TTC34: variants seen among roughly 807,000 people sequenced by gnomAD.
TTC34 encodes the protein tetratricopeptide repeat protein 34.
In TTC34, 44 loss-of-function variants were observed where a neutral mutation model predicts 40.7. That is an observed-to-expected ratio of 1.08 (90% CI 0.85 to 1.39). The LOEUF (loss-of-function observed/expected upper bound fraction) is 1.39, where lower values mean the gene tolerates loss of function less well. Among genes scored for constraint, TTC34 ranks in the 40% most tolerant of loss-of-function variants. TTC34 has a pLI of 0.00. For missense variants in TTC34, 884 were observed against 838.0 expected, an observed-to-expected ratio of 1.05 and a Z score of -0.68; for synonymous variants, 422 against 398.6, an observed-to-expected ratio of 1.06 and a Z score of -0.70.
intron 2 of TTC34, among the ~76,000 whole-genome samples, chr1:2,794,726 T>G (rs1175267939): frequency 6.6e-6 from 1 of 152,224 alleles, no homozygotes; most frequent in African/African-American, 2.4e-5. Context: ...ATGATATTTA[T>G]GGTGGGTTTG....
At chr1:2,800,353 C>G in exon 2 of TTC34, 1 of 398,554 alleles carries the variant, frequency 2.5e-6, no homozygotes, top group Non-Finnish European at 4.4e-6. Context: ...AGATAGGCGG[C>G]CACACCATCC....
At chr1:2,758,956 C>T (rs1425211160) in intron 6 of TTC34, among the ~76,000 whole-genome samples, 2 of 48,456 alleles carry the variant, frequency 4.1e-5, no homozygotes, top group Non-Finnish European at 6.6e-5. Context: ...AGCACCCACA[C>T]CTCCAGGTTA....
chr1:2,753,531 C>G lies in TTC34; in HGVS notation c.2226+30078G>C, dbSNP rs1410692147. Among the ~76,000 whole-genome samples, 13 of 97,288 alleles carry G rather than the reference C, an allele frequency of 1.3e-4. 3 individuals carry two copies. Among genetic ancestry groups the G allele is most frequent in the Non-Finnish European group, 1.9e-5 (1 of 52,670 alleles). The allele number at this position is 97,288 out of a possible 152,430, so 63.8% of individuals were successfully genotyped here. On this transcript the variant is annotated intron_variant, in intron 6 of 8. Coordinates refer to ENST00000401095, the Ensembl canonical transcript of TTC34. Reference sequence around the variant, plus strand: ...AGCATCGGACGGCCTGCAACAGCACCCACACCCCCATGTGAGCATCTGACT... The same window carrying G: ...AGCATCGGACGGCCTGCAACAGCACGCACACCCCCATGTGAGCATCTGACT...
intron 6 of TTC34, among the ~76,000 whole-genome samples, chr1:2,646,448 G>A (rs1190406321): frequency 6.6e-6 from 1 of 152,218 alleles, no homozygotes; most frequent in East Asian, 1.9e-4. Context: ...GCAGTGGCAT[G>A]ATCTTGGTTC....
At chr1:2,657,383 C>G (rs183922462) in intron 6 of TTC34, among the ~76,000 whole-genome samples, 51 of 94,102 alleles carry the variant, frequency 5.4e-4, no homozygotes, top group African/African-American at 1.6e-3. Context: ...ACCCACACCC[C>G]GAGGTGAGCA....
chr1:2,638,035 TGA>T (rs1638825403), exon 9 of TTC34: 1 of 152,198 alleles, frequency 6.6e-6, no homozygotes, highest in Non-Finnish European at 1.5e-5. Flanking sequence ...CTCCAAGATC[TGA>T]GAGTAGCCTT....
intron 5 of TTC34, 69 bp downstream of exon 5, chr1:2,785,750 G>A: frequency 4.1e-6 from 6 of 1,468,520 alleles, no homozygotes; most frequent in African/African-American, 1.4e-5. Flanking sequence ...AACCAGCATG[G>A]CAGAGACTCC....
chr1:2,687,715 C>T (rs539770688), intron 6 of TTC34, among the ~76,000 whole-genome samples: 1 of 151,096 alleles, frequency 6.6e-6, no homozygotes, highest in South Asian at 2.1e-4. Flanking sequence ...CAGCCGGGAA[C>T]AGCACCCACA....
chr1:2,797,678 G>C (rs933171680), intron 2 of TTC34, among the ~76,000 whole-genome samples: 1 of 152,148 alleles, frequency 6.6e-6, no homozygotes, highest in African/African-American at 2.4e-5. Context: ...GGGTGGCAGA[G>C]TGCTGGCAGT....
At chr1:2,637,092 G>A (rs1306126984) in exon 9 of TTC34, 1 of 152,206 alleles carries the variant, frequency 6.6e-6, no homozygotes. Flanking sequence ...CTCTCCTAGT[G>A]TGGCTGGGTC....
chr1:2,788,297 GTGT>G (rs934475247), intron 3 of TTC34, among the ~76,000 whole-genome samples: 10 of 150,444 alleles, frequency 6.6e-5, no homozygotes, highest in African/African-American at 1.2e-4. Flanking sequence ...TGTTGTGTGT[GTGT>G]TATGTACATG....
Position 2,681,811 on chromosome 1 carries a change from G to C in TTC34, c.2227-36248C>G, listed in dbSNP as rs797018228. ...CCCAGGTGAGCATCTGATGGTTTGC[G>C]GCAACACCGACACCCACAGGTGAGC... On this transcript the variant is annotated intron_variant, in intron 6 of 8. Transcript: ENST00000401095. Among the ~76,000 whole-genome samples, 3 of 48,528 alleles carry C rather than the reference G, an allele frequency of 6.2e-5. No individual in the cohort carries two copies. In the Admixed American group the frequency reaches 6.4e-4, roughly 10 times the overall value. The allele number at this position is 48,528 out of a possible 152,430, so 31.8% of individuals were successfully genotyped here. A position where few individuals can be genotyped will look rare whatever the true frequency, so the allele number is the denominator to read the frequency against.
intron 6 of TTC34, among the ~76,000 whole-genome samples, chr1:2,688,129 C>G (rs1223407916): frequency 6.7e-6 from 1 of 148,854 alleles, no homozygotes; most frequent in African/African-American, 2.5e-5. Context: ...CACCCACACC[C>G]CCAGGCGAGC....
chr1:2,782,071 A>G (rs1372451989), intron 6 of TTC34, among the ~76,000 whole-genome samples: 1 of 152,144 alleles, frequency 6.6e-6, no homozygotes, highest in Admixed American at 6.5e-5. Context: ...GAAAAGTTTG[A>G]GGATTCGTGT....
At chr1:2,752,573 C>G (rs1168235821) in intron 6 of TTC34, among the ~76,000 whole-genome samples, 3 of 117,100 alleles carry the variant, frequency 2.6e-5, no homozygotes, top group African/African-American at 7.8e-5. Context: ...CACCTTGCAC[C>G]CCCAGGTGAG....
intron 6 of TTC34, among the ~76,000 whole-genome samples, chr1:2,768,338 C>T (rs1049285759): frequency 6.6e-6 from 1 of 152,100 alleles, no homozygotes; most frequent in African/African-American, 2.4e-5. Context: ...TCCGGGTTAT[C>T]AGATGCTCAC....
chr1:2,759,958 A>T (rs1303198305), intron 6 of TTC34, among the ~76,000 whole-genome samples: 1,178 of 18,672 alleles, frequency 0.063, 11 homozygotes, highest in Admixed American at 0.12. Context: ...AAAGGCACCC[A>T]CACCACCAGG....
At chr1:2,798,771 A>C (rs868090175) in intron 2 of TTC34, among the ~76,000 whole-genome samples, 1,261 of 8,012 alleles carry the variant, frequency 0.16, no homozygotes, top group Admixed American at 0.18. Context: ...CTCAGCCTCC[A>C]AGCCTCCCAG....
At chr1:2,652,391 G>C (rs1202064058) in intron 6 of TTC34, among the ~76,000 whole-genome samples, 556 of 148,764 alleles carry the variant, frequency 3.7e-3, no homozygotes, top group African/African-American at 6.3e-3. Context: ...TGACAGCCTG[G>C]AGCAGCACGC....
Sources: gnomAD v4.1 joint callset for allele counts (sites outside exome capture counted in the v4.1 genomes callset) on GRCh38, gnomAD v4.1.1 for gene constraint, MANE v1.5 for transcripts, NCBI Gene and HGNC (gene_info 2026-07-23, HGNC 2026-07-21) for gene names.